IRAK2: variants seen among roughly 807,000 people sequenced by gnomAD.
The protein encoded by IRAK2 is interleukin-1 receptor-associated kinase-like 2.
IRAK2 carries 57 observed loss-of-function variants against 72.0 expected under a neutral mutation model. The ratio of observed to expected loss-of-function variants is 0.79; its 90% confidence interval spans 0.64 to 0.99. The LOEUF is 0.99. Ranked by LOEUF, IRAK2 falls within the 50% of genes least tolerant of loss-of-function variation. The pLI, the probability that IRAK2 is intolerant of heterozygous loss-of-function variation, is 0.00. For missense variants in IRAK2, 790 were observed against 794.4 expected (o/e 0.99, Z 0.07); for synonymous variants, 293 against 312.7 (o/e 0.94, Z 0.67).
intron 2 of IRAK2, among the ~76,000 whole-genome samples, chr3:10,185,558 C>CAA (rs770606601): frequency 0.072 from 5,023 of 69,860 alleles, 521 homozygotes; most frequent in African/African-American, 0.24. Context: ...AACTCCGTCT[C>CAA]AAAAAAAAAA....
intron 2 of IRAK2, among the ~76,000 whole-genome samples, chr3:10,194,767 G>T (rs1697237906): frequency 6.6e-6 from 1 of 152,206 alleles, no homozygotes; most frequent in African/African-American, 2.4e-5. Context: ...GATGAGGGCG[G>T]TTCATGTTTA....
chr3:10,193,247 G>A (rs1231928933), intron 2 of IRAK2, among the ~76,000 whole-genome samples: 1 of 152,128 alleles, frequency 6.6e-6, no homozygotes, highest in Admixed American at 6.6e-5. Flanking sequence ...TTTCCTCCTT[G>A]TATCTGGGAC....
intron 3 of IRAK2, among the ~76,000 whole-genome samples, chr3:10,208,693 G>A (rs1575974451): frequency 6.6e-6 from 1 of 151,880 alleles, no homozygotes; most frequent in East Asian, 1.9e-4. Flanking sequence ...AACCCGGGAG[G>A]CGGAGCTTGC....
intron 2 of IRAK2, among the ~76,000 whole-genome samples, chr3:10,185,441 C>T (rs1697059573): frequency 6.7e-6 from 1 of 149,558 alleles, no homozygotes; most frequent in Admixed American, 6.7e-5. Flanking sequence ...CCTGTAATCC[C>T]AGCTACTCAG....
At chr3:10,240,841 G>C (rs182645042) in intron 12 of IRAK2, among the ~76,000 whole-genome samples, 1 of 151,516 alleles carries the variant, frequency 6.6e-6, no homozygotes, top group South Asian at 2.1e-4. Flanking sequence ...TTATAGGTAT[G>C]AGCCACCGCA....
chr3:10,220,661 G>C (rs1475465861), intron 8 of IRAK2, among the ~76,000 whole-genome samples: 1 of 151,912 alleles, frequency 6.6e-6, no homozygotes, highest in Admixed American at 6.6e-5. Context: ...GGCTAGTGTC[G>C]AACTCCTGAC....
Position 10,172,922 on chromosome 3 carries a change from G to A in IRAK2, c.95-4916G>A, listed in dbSNP as rs535526213. Reference sequence around the variant, plus strand: ...TCTCAAACTCCTGACCTCGTTATCCGCTTGCCTTGGCCTCCCAAAGTGCTG... The same window carrying A: ...TCTCAAACTCCTGACCTCGTTATCCACTTGCCTTGGCCTCCCAAAGTGCTG... On this transcript the variant is annotated intron_variant, in intron 1 of 12. Coordinates refer to ENST00000256458, the MANE Select transcript of IRAK2 (RefSeq NM_001570.4). Among the ~76,000 whole-genome samples, 44 of 147,714 alleles carry A rather than the reference G, an allele frequency of 3.0e-4. 1 individual carries two copies. The South Asian group carries it at 4.5e-3, about 15-fold the overall frequency.
intron 3 of IRAK2, among the ~76,000 whole-genome samples, chr3:10,202,284 A>G (rs1697371083): frequency 6.6e-6 from 1 of 152,210 alleles, no homozygotes; most frequent in South Asian, 2.1e-4. Flanking sequence ...GGTAATAGGC[A>G]TAGCAGTTCC....
chr3:10,228,355 CTG>C (rs1430362908), intron 10 of IRAK2, among the ~76,000 whole-genome samples: 1 of 152,138 alleles, frequency 6.6e-6, no homozygotes, highest in South Asian at 2.1e-4. Flanking sequence ...TTGATGAACT[CTG>C]TGAGTTCCAC....
intron 10 of IRAK2, among the ~76,000 whole-genome samples, chr3:10,230,290 C>A (rs561071832): frequency 6.6e-6 from 1 of 151,790 alleles, no homozygotes; most frequent in Non-Finnish European, 1.5e-5. Flanking sequence ...TACCCCCCCC[C>A]ACCGACAAGG....
At chr3:10,216,473 A>G (rs1353948429) in intron 6 of IRAK2, among the ~76,000 whole-genome samples, 3 of 152,148 alleles carry the variant, frequency 2.0e-5, no homozygotes, top group African/African-American at 7.2e-5. Flanking sequence ...AGGAAGGCAA[A>G]GGAGGAGGGT....
chr3:10,221,104 T>C lies in IRAK2; in HGVS notation c.1013+1315T>C, dbSNP rs538016959. Reference sequence around the variant, plus strand: ...ACACACACACACGCTAAAAAAGTTTTTTTTTTGGCCGGGCGCGGTGGCTCA... The same window carrying C: ...ACACACACACACGCTAAAAAAGTTTCTTTTTTGGCCGGGCGCGGTGGCTCA... On this transcript the variant is annotated intron_variant, in intron 8 of 12. Transcript: ENST00000256458. 1.5e-4 allele frequency among the ~76,000 whole-genome samples: 23 copies of C among 152,002 alleles called. 1 individual carries two copies. In the South Asian group the frequency reaches 4.4e-3, roughly 29 times the overall value.
chr3:10,191,666 C>T (rs960029375), intron 2 of IRAK2, among the ~76,000 whole-genome samples: 71 of 152,186 alleles, frequency 4.7e-4, no homozygotes, highest in African/African-American at 1.5e-3. Context: ...CCATGCTAGT[C>T]CTTTTCATCC....
At chr3:10,202,756 G>A (rs968682471) in intron 3 of IRAK2, among the ~76,000 whole-genome samples, 3 of 145,060 alleles carry the variant, frequency 2.1e-5, no homozygotes, top group African/African-American at 7.8e-5. Context: ...CGGTGGCACG[G>A]TCATAGCTCA....
intron 1 of IRAK2, among the ~76,000 whole-genome samples, chr3:10,176,063 A>G (rs1171604074): frequency 8.3e-6 from 1 of 120,080 alleles, no homozygotes; most frequent in African/African-American, 3.4e-5. Context: ...TGTATTGTCC[A>G]TGTTTTTTTT....
In IRAK2 at chr3:10,177,913, C is replaced by A. The variant is rs758996931; in HGVS notation, c.170C>A (p.Thr57Lys). Reference protein sequence around the residue: ...SMERVQGVSITRELLWWWGMR... With the variant: ...SMERVQGVSIKRELLWWWGMR... ...GAGCGGGTGCAGGGTGTGAGCATCA[C>A]GCGGGAGCTGCTGTGGTGGTGGGGC... Residue 57 changes from threonine (T) to lysine (K), a missense_variant, in exon 2 of 13, where the codon ACG (threonine) becomes AAG (lysine). Transcript: ENST00000256458. The A allele has an allele frequency of 1.2e-6, 2 of 1,613,914 alleles. No individual in the cohort carries two copies. Among genetic ancestry groups the A allele is most frequent in the East Asian group, 4.5e-5 (2 of 44,850 alleles).
chr3:10,213,065 G>C, intron 4 of IRAK2, 142 bp from the exon 5 acceptor site: 1 of 713,008 alleles, frequency 1.4e-6, no homozygotes, highest in East Asian at 2.7e-5. Context: ...ACCGTGCCCG[G>C]CCTATCCATG....
intron 2 of IRAK2, among the ~76,000 whole-genome samples, chr3:10,180,587 G>C (rs1354335443): frequency 6.6e-6 from 1 of 152,114 alleles, no homozygotes; most frequent in African/African-American, 2.4e-5. Context: ...CACCTGGGGA[G>C]GAGCTGTCCT....
rs572521578 is a variant in IRAK2, at chr3:10,177,914, G to A, written c.171G>A (p.Thr57=). 48 of 1,613,900 alleles carry A rather than the reference G, an allele frequency of 3.0e-5. No individual in the cohort carries two copies. The Admixed American group carries it at 3.2e-4, about 11-fold the overall frequency. ...AGCGGGTGCAGGGTGTGAGCATCAC[G>A]CGGGAGCTGCTGTGGTGGTGGGGCA... ...SMERVQGVSI[T]RELLWWWGMR... is the part of the protein sequence containing the mutation. The change falls in exon 2 of 13, where the codon ACG becomes ACA. Residue 57 remains threonine (T), a synonymous_variant. Transcript: ENST00000256458.
Sources: gnomAD v4.1 joint callset for allele counts (sites outside exome capture counted in the v4.1 genomes callset) on GRCh38, gnomAD v4.1.1 for gene constraint, MANE v1.5 for transcripts, NCBI Gene and HGNC (gene_info 2026-07-23, HGNC 2026-07-21) for gene names.